ASAH2: variants seen among roughly 807,000 people sequenced by gnomAD.
ASAH2 encodes the protein neutral ceramidase.
In ASAH2, 58 loss-of-function variants were observed where a neutral mutation model predicts 82.9. The observed-to-expected ratio is 0.70, with a 90% CI of 0.57 to 0.87. The LOEUF is 0.87. Ranked by LOEUF, ASAH2 falls within the 40% of genes least tolerant of loss-of-function variation. ASAH2 has a pLI of 0.00. For missense variants in ASAH2, 779 were observed against 834.0 expected, an observed-to-expected ratio of 0.93 and a Z score of 0.81; for synonymous variants, 276 against 289.7, an observed-to-expected ratio of 0.95 and a Z score of 0.48.
At chr10:50,208,546 C>T (rs1229248367) in intron 12 of ASAH2, among the ~76,000 whole-genome samples, 2 of 151,104 alleles carry the variant, frequency 1.3e-5, no homozygotes, top group African/African-American at 4.9e-5. Flanking sequence ...GAAAAAATTT[C>T]CATTTACAAT....
At position 50,186,122 on chromosome 10, in the gene ASAH2, C is replaced by T. The variant is rs1487694359; in HGVS notation, c.*1193G>A. On this transcript the variant is annotated 3_prime_UTR_variant, in exon 21 of 21. Transcript: ENST00000682911. ...CAAACTGTCTGGAGCCTCTTTCCCC[C>T]CAAATTAGAGTATCCAACACAGATG... is the stretch of plus-strand genomic sequence containing the variant. 8.4e-6 allele frequency: 1 copy of T among 118,750 alleles called. No individual in the cohort carries two copies. Among genetic ancestry groups the T allele is most frequent in the African/African-American group, 3.3e-5 (1 of 30,644 alleles). The allele number at this position is 118,750 out of a possible 1,614,324, so 7.4% of individuals were successfully genotyped here.
chr10:50,214,631 C>G, intron 9 of ASAH2, 112 bp downstream of exon 9: 1 of 1,333,784 alleles, frequency 7.5e-7, no homozygotes. Flanking sequence ...CTAGGGAGAA[C>G]TAGGCCAGTG....
intron 3 of ASAH2, among the ~76,000 whole-genome samples, 158 bp from the exon 4 acceptor site, chr10:50,243,509 A>G (rs1424531067): frequency 6.6e-6 from 1 of 152,234 alleles, no homozygotes; most frequent in African/African-American, 2.4e-5. Context: ...AAAAATTAAA[A>G]AGAAAAAGGA....
rs1215154884 is a variant in ASAH2, at chr10:50,221,138, C to T, written c.894-2508G>A. ...GAAGATATTCTAAGAGTCATCCCCT[C>T]GCAGTTATTTGCAAGGTGTTTACAT... On this transcript the variant is annotated intron_variant, in intron 7 of 20. Coordinates refer to ENST00000682911, the MANE Select transcript of ASAH2 (RefSeq NM_019893.4). 9.2e-5 allele frequency among the ~76,000 whole-genome samples: 14 copies of T among 152,272 alleles called. 1 individual carries two copies. The highest frequency in any genetic ancestry group is 5.9e-4 in the Admixed American group (9 of 15,292).
At chr10:50,231,688 T>C (rs1219985298) in intron 7 of ASAH2, among the ~76,000 whole-genome samples, 2 of 152,252 alleles carry the variant, frequency 1.3e-5, no homozygotes, top group South Asian at 2.1e-4. Context: ...GATAAGTTGA[T>C]TGTAGTAGAA....
rs1395972594 is a variant in ASAH2, at chr10:50,218,594, A to G, written c.930T>C (p.Ser310=). Residue 310 remains serine (S), a synonymous_variant, in exon 8 of 21, where the codon AGT becomes AGC. Coordinates refer to ENST00000682911, the MANE Select transcript of ASAH2 (RefSeq NM_019893.4). ...CATTGTCACTGTTTACAAGATGGTT[A>G]CTGTTGTTCATGCTGACCGGGTGGA... ...FAIHPVSMNN[S]NHLVNSDNVG... 3.1e-6 allele frequency: 5 copies of G among 1,613,702 alleles called. No individual in the cohort carries two copies. The African/African-American group carries it at 6.7e-5, about 22-fold the overall frequency.
intron 17 of ASAH2, among the ~76,000 whole-genome samples, chr10:50,197,252 G>A (rs1466892482): frequency 8.6e-5 from 13 of 151,862 alleles, no homozygotes; most frequent in South Asian, 2.1e-4. Context: ...ATGCAAAAAG[G>A]TAATTATACC....
intron 9 of ASAH2, among the ~76,000 whole-genome samples, chr10:50,214,355 AG>A (rs1845542109): frequency 6.6e-6 from 1 of 152,176 alleles, no homozygotes; most frequent in Non-Finnish European, 1.5e-5. Flanking sequence ...GAAGCAATTT[AG>A]GTCTTATATT....
At chr10:50,248,914 C>T (rs999650331) in intron 1 of ASAH2, among the ~76,000 whole-genome samples, 3 of 152,210 alleles carry the variant, frequency 2.0e-5, no homozygotes, top group African/African-American at 7.2e-5. Flanking sequence ...CCACTGAGCT[C>T]AACTGAGCTA....
At chr10:50,242,608 G>A (rs1846330959) in intron 4 of ASAH2, among the ~76,000 whole-genome samples, 1 of 146,292 alleles carries the variant, frequency 6.8e-6, no homozygotes. Context: ...CACTGGCTTG[G>A]TTGGTTGCTT....
chr10:50,245,124 A>G (rs1032115111), intron 3 of ASAH2, 98 bp downstream of exon 3: 3 of 1,047,950 alleles, frequency 2.9e-6, no homozygotes, highest in African/African-American at 1.6e-5. Context: ...CTAAAAGAAG[A>G]TAATGATGAT....
At chr10:50,229,959 C>T (rs1015747892) in intron 7 of ASAH2, among the ~76,000 whole-genome samples, 1 of 152,104 alleles carries the variant, frequency 6.6e-6, no homozygotes, top group Non-Finnish European at 1.5e-5. Flanking sequence ...GACTGAAGTC[C>T]TATAAGGGCA....
chr10:50,199,532 A>G (rs2133198134), intron 16 of ASAH2, among the ~76,000 whole-genome samples: 1 of 151,546 alleles, frequency 6.6e-6, no homozygotes, highest in East Asian at 1.9e-4. Flanking sequence ...ATAAATAGTT[A>G]GAAGGTGCTA....
rs952527906 is a variant in ASAH2, at chr10:50,236,062, G to A, written c.513C>T (p.Val171=). Residue 171 remains valine (V), a splice_region_variant and synonymous_variant, in exon 5 of 21, where the codon GTC becomes GTT. Coordinates refer to ENST00000682911, the MANE Select transcript of ASAH2 (RefSeq NM_019893.4). ...CATATTTACTCTGCAGTCTGTTCAGGACCTTCAAGAAAAAAAGTAATTGAA... is the reference window on the plus strand; with the variant it reads ...CATATTTACTCTGCAGTCTGTTCAGAACCTTCAAGAAAAAAAGTAATTGAA... ...GMVSQRLRLE[V]LNRLQSKYGS... is the part of the protein sequence containing the mutation. 1.9e-6 allele frequency: 3 copies of A among 1,612,848 alleles called. No homozygotes were observed. The highest frequency in any genetic ancestry group is 3.3e-5 in the Admixed American group (2 of 59,898).
intron 7 of ASAH2, among the ~76,000 whole-genome samples, chr10:50,223,092 T>C (rs930606112): frequency 6.6e-6 from 1 of 152,190 alleles, no homozygotes; most frequent in African/African-American, 2.4e-5. Context: ...TCCTAGTTTG[T>C]AGCAAAATTA....
chr10:50,236,866 C>T, intron 4 of ASAH2, among the ~76,000 whole-genome samples: 1 of 152,132 alleles, frequency 6.6e-6, no homozygotes, highest in East Asian at 1.9e-4. Flanking sequence ...CATCATTCAA[C>T]AGGTGCTCTA....
chr10:50,213,169 A>G, intron 9 of ASAH2, 111 bp from the exon 10 acceptor site: 2 of 1,005,650 alleles, frequency 2.0e-6, no homozygotes, highest in Non-Finnish European at 3.2e-6. Flanking sequence ...ACATTCTTGC[A>G]TTTCTTTTCA....
intron 18 of ASAH2, 47 bp downstream of exon 18, chr10:50,196,726 C>CCAAAACATCCCT: frequency 6.9e-7 from 1 of 1,455,442 alleles, no homozygotes; most frequent in Non-Finnish European, 9.5e-7. Flanking sequence ...GTGACATCCC[C>CCAAAACATCCCT]CAAAACATCC....
At chr10:50,205,920 A>C (rs1186641233) in intron 13 of ASAH2, 62 bp downstream of exon 13, 20 of 1,245,650 alleles carry the variant, frequency 1.6e-5, no homozygotes, top group Non-Finnish European at 2.3e-5. Context: ...TCATTACCTG[A>C]CAGTTCACAT....
Sources: allele counts gnomAD v4.1 joint callset (sites outside exome capture counted in the v4.1 genomes callset), GRCh38; gene constraint gnomAD v4.1.1; transcripts MANE v1.5; gene names NCBI Gene and HGNC (gene_info 2026-07-23, HGNC 2026-07-21).